ARHGEF37: variants seen among roughly 807,000 people sequenced by gnomAD.
ARHGEF37 encodes the protein Rho guanine nucleotide exchange factor (GEF) 37.
In ARHGEF37, 55 loss-of-function variants were observed where a neutral mutation model predicts 71.1. That is an observed-to-expected ratio of 0.77 (90% confidence interval 0.62 to 0.97). The LOEUF is 0.97. Among genes scored for constraint, ARHGEF37 ranks in the 50% least tolerant of loss-of-function variants. The probability of loss-of-function intolerance (pLI) is 0.00; values close to 1 mark genes in which losing one functional copy is unlikely to be tolerated. For synonymous variants in ARHGEF37, 327 were observed against 350.6 expected (o/e 0.93, Z 0.75); for missense variants, 765 against 836.8 (o/e 0.91, Z 1.06).
intron 1 of ARHGEF37, among the ~76,000 whole-genome samples, chr5:149,558,712 T>A (rs1762786580): frequency 7.5e-6 from 1 of 132,956 alleles, no homozygotes; most frequent in Non-Finnish European, 1.6e-5. Flanking sequence ...TGTGTGTGTG[T>A]GTGTGTGTGT....
At chr5:149,570,088 TAGAC>T (rs1762943820) in intron 1 of ARHGEF37, among the ~76,000 whole-genome samples, 2 of 152,296 alleles carry the variant, frequency 1.3e-5, no homozygotes, top group African/African-American at 4.8e-5. Context: ...GCATAAAAAT[TAGAC>T]AGAATGAAGT....
At chr5:149,618,087 C>CA in intron 5 of ARHGEF37, 89 bp from the exon 6 acceptor site, 1 of 1,564,522 alleles carries the variant, frequency 6.4e-7, no homozygotes, top group Admixed American at 1.7e-5. Flanking sequence ...GCAGAGGGCC[C>CA]AAGCAGGTGC....
intron 1 of ARHGEF37, among the ~76,000 whole-genome samples, chr5:149,564,268 GTTATC>G (rs1561782652): frequency 6.6e-6 from 1 of 151,960 alleles, no homozygotes; most frequent in African/African-American, 2.4e-5. Flanking sequence ...TCTTACGTAT[GTTATC>G]TTATATCATA....
chr5:149,576,948 ACTCTGT>A (rs56396517), upstream of ARHGEF37, among the ~76,000 whole-genome samples: 34,841 of 151,620 alleles, frequency 0.23, 4,642 homozygotes, highest in Admixed American at 0.4. Flanking sequence ...AGAGTGAGAG[ACTCTGT>A]CTGAAAAAAA....
chr5:149,558,687 A>ATG (rs1762784950), intron 1 of ARHGEF37, among the ~76,000 whole-genome samples: 1 of 56,836 alleles, frequency 1.8e-5, no homozygotes, highest in African/African-American at 6.8e-5. Context: ...AAAACCATAT[A>ATG]TATATGTGTG....
intron 8 of ARHGEF37, among the ~76,000 whole-genome samples, chr5:149,621,441 A>G (rs901828572): frequency 6.6e-6 from 1 of 152,144 alleles, no homozygotes; most frequent in Non-Finnish European, 1.5e-5. Context: ...CTGTCTCAAA[A>G]AAAAAAACAA....
intron 1 of ARHGEF37, among the ~76,000 whole-genome samples, chr5:149,583,411 C>T (rs555451370): frequency 2.6e-5 from 4 of 152,326 alleles, no homozygotes; most frequent in Admixed American, 2.0e-4. Flanking sequence ...GCTGGGATTA[C>T]AGGCGTGAGC....
chr5:149,609,471 C>T lies in ARHGEF37; in HGVS notation c.311-77C>T. 3.3e-6 allele frequency: 5 copies of T among 1,537,278 alleles called. No homozygotes were observed. The South Asian group carries it at 4.6e-5, about 14-fold the overall frequency. ...CTCACTGGAGAGCTGGAGGGGTTTACTTACTGCCTCCCTGTTCCAAGCTAG... is the reference window on the plus strand; with the variant it reads ...CTCACTGGAGAGCTGGAGGGGTTTATTTACTGCCTCCCTGTTCCAAGCTAG... On this transcript the variant is annotated intron_variant, in intron 3 of 12. Transcript: ENST00000333677.
chr5:149,619,678 G>A lies in ARHGEF37; in HGVS notation c.894+636G>A, dbSNP rs550956216. Among the ~76,000 whole-genome samples the A allele has an allele frequency of 2.6e-4, 39 of 152,194 alleles. No homozygotes were observed. In the East Asian group the frequency reaches 6.8e-3, roughly 26 times the overall value. ...CAATGTGAGCAACTAATTAAATGAA[G>A]ATTTAAATGCTATGGGGCATTTTTT... On this transcript the variant is annotated intron_variant, in intron 7 of 12. Coordinates refer to ENST00000333677, the MANE Select transcript of ARHGEF37 (RefSeq NM_001001669.3).
Position 149,614,723 on chromosome 5 carries a change from C to T in ARHGEF37, c.459-1844C>T, listed in dbSNP as rs143919220. ...GGTGAGAGCAGATGACCAGCGTAGG[C>T]GTCTCCTGATGGGTAATCCTGCCCC... On this transcript the variant is annotated intron_variant, in intron 4 of 12. Coordinates refer to ENST00000333677, the MANE Select transcript of ARHGEF37 (RefSeq NM_001001669.3). 1.0e-3 allele frequency among the ~76,000 whole-genome samples: 158 copies of T among 152,302 alleles called. 1 individual carries two copies. The East Asian group carries it at 0.029, about 28-fold the overall frequency.
At chr5:149,556,723 G>C (rs779709915) in intron 1 of ARHGEF37, among the ~76,000 whole-genome samples, 2 of 151,900 alleles carry the variant, frequency 1.3e-5, no homozygotes, top group African/African-American at 4.8e-5. Flanking sequence ...GAGTTTCTCC[G>C]TGTTGACCAG....
intron 1 of ARHGEF37, among the ~76,000 whole-genome samples, chr5:149,595,996 G>A (rs1207335563): frequency 1.3e-5 from 2 of 151,354 alleles, no homozygotes; most frequent in Admixed American, 6.6e-5. Context: ...CTTGTGGCTG[G>A]GGGGGTCCCA....
chr5:149,608,649 C>T (rs773965641), intron 3 of ARHGEF37, among the ~76,000 whole-genome samples: 6 of 151,918 alleles, frequency 3.9e-5, no homozygotes, highest in East Asian at 1.9e-4. Context: ...GGATTATAGG[C>T]GTGACCCACC....
At chr5:149,559,953 G>A (rs1332956961) in intron 1 of ARHGEF37, among the ~76,000 whole-genome samples, 3 of 152,142 alleles carry the variant, frequency 2.0e-5, no homozygotes, top group Non-Finnish European at 4.4e-5. Context: ...TTGCCCATTA[G>A]TGAAGCAATT....
At chr5:149,603,748 C>A (rs979827562) in intron 3 of ARHGEF37, among the ~76,000 whole-genome samples, 3 of 152,058 alleles carry the variant, frequency 2.0e-5, no homozygotes, top group Non-Finnish European at 4.4e-5. Flanking sequence ...TCACCCAGGC[C>A]AACATGGTGA....
chr5:149,609,140 C>T (rs375212971), intron 3 of ARHGEF37, among the ~76,000 whole-genome samples: 5 of 151,940 alleles, frequency 3.3e-5, no homozygotes, highest in East Asian at 1.9e-4. Context: ...GTAGAGATTG[C>T]GCCACCACAC....
At chr5:149,600,608 T>A (rs1763722616) in intron 2 of ARHGEF37, among the ~76,000 whole-genome samples, 1 of 152,106 alleles carries the variant, frequency 6.6e-6, no homozygotes, top group Non-Finnish European at 1.5e-5. Flanking sequence ...GTACTCCGTC[T>A]GTTCCTCTCT....
At chr5:149,571,489 C>T (rs1481147591) in intron 1 of ARHGEF37, among the ~76,000 whole-genome samples, 1 of 152,084 alleles carries the variant, frequency 6.6e-6, no homozygotes, top group African/African-American at 2.4e-5. Context: ...TTAAAGAAGA[C>T]CTACGTAAAT....
intron 9 of ARHGEF37, among the ~76,000 whole-genome samples, chr5:149,623,387 A>G (rs1456552150): frequency 6.6e-6 from 1 of 152,126 alleles, no homozygotes; most frequent in Non-Finnish European, 1.5e-5. Flanking sequence ...TGTCCCAGAC[A>G]CTCTGCAAAT....
Sources: allele counts gnomAD v4.1 joint callset (sites outside exome capture counted in the v4.1 genomes callset), GRCh38; gene constraint gnomAD v4.1.1; transcripts MANE v1.5; gene names NCBI Gene and HGNC (gene_info 2026-07-23, HGNC 2026-07-21).